Variants in KYAT3 observed in about 807,000 individuals in gnomAD.
The protein encoded by KYAT3 is kynurenine aminotransferase 3, also known as kynurenine--oxoglutarate transaminase 3.
Under a neutral mutation model 59.0 loss-of-function variants are expected in KYAT3, and 50 were observed. The observed-to-expected ratio is 0.85, with a 90% CI of 0.68 to 1.07. The LOEUF (loss-of-function observed/expected upper bound fraction) is 1.07. KYAT3 is among the 50% of genes least tolerant of loss of function. The probability of loss-of-function intolerance (pLI) is 0.00; values close to 1 mark genes in which losing one functional copy is unlikely to be tolerated. For synonymous variants in KYAT3, 148 were observed against 177.0 expected (o/e 0.84, Z 1.30); for missense variants, 497 against 533.3 (o/e 0.93, Z 0.67).
In KYAT3 at chr1:88,964,848, A is replaced by C; in HGVS notation, c.434T>G (p.Leu145Ter). ...YGSLFNTIQA[L>*]IDEGDEVILI... ...ACTTACTTCATCTCCCTCATCAATT[A>C]ATGCTTGAATGGTGTTAAAAAGAGA... Residue 145 changes from leucine (L) to a stop codon, truncating the protein, a stop_gained, in exon 5 of 14, where the codon TTA (leucine) becomes TGA (stop). Transcript: ENST00000260508. LOFTEE classifies it high-confidence loss of function. The C allele has an allele frequency of 6.3e-7, 1 of 1,594,508 alleles. No individual in the cohort carries two copies. Among genetic ancestry groups the C allele is most frequent in the Non-Finnish European group, 8.5e-7 (1 of 1,173,428 alleles).
At chr1:88,992,747 G>A (rs1677895483), upstream of KYAT3, 1 of 152,288 alleles carries the variant, frequency 6.6e-6, no homozygotes, top group Non-Finnish European at 1.5e-5. Context: ...AGGATCTCTA[G>A]GCTGGAAGAG....
At position 88,961,630 on chromosome 1, in the gene KYAT3, A is replaced by T. The variant is rs1676150181; in HGVS notation, c.541-124T>A. ...CATGGCAAAGGAAACTGAATAAATT[A>T]CCAACAAATGCTTTCCTGCAGTAGG... On this transcript the variant is annotated intron_variant, in intron 6 of 13. Transcript: ENST00000260508. 5.0e-6 allele frequency: 4 copies of T among 801,288 alleles called. No homozygotes were observed. In the South Asian group the frequency reaches 7.9e-5, roughly 16 times the overall value. 49.6% of individuals were successfully genotyped at this position (801,288 alleles called of 1,614,324 possible). A position where few individuals can be genotyped will look rare whatever the true frequency, so the allele number is the denominator to read the frequency against.
At position 88,974,737 on chromosome 1, in the gene KYAT3, A is replaced by G. The variant is rs1295367071; in HGVS notation, c.100-5270T>C. On this transcript the variant is annotated intron_variant, in intron 2 of 13. Coordinates refer to ENST00000260508, the MANE Select transcript of KYAT3 (RefSeq NM_001008661.3). ...ATTGTAAATGCACCAATCAGCATTCAGTAAAAATGCACCAATCAGCGCTCT... is the reference window on the plus strand; with the variant it reads ...ATTGTAAATGCACCAATCAGCATTCGGTAAAAATGCACCAATCAGCGCTCT... Among the ~76,000 whole-genome samples the G allele has an allele frequency of 3.9e-5, 6 of 152,236 alleles. No individual in the cohort carries two copies. The East Asian group carries it at 1.2e-3, about 29-fold the overall frequency.
chr1:88,974,469 C>CTTTTTTTT (rs71084932), intron 2 of KYAT3, among the ~76,000 whole-genome samples: 4 of 69,660 alleles, frequency 5.7e-5, no homozygotes, highest in Admixed American at 2.1e-4. Flanking sequence ...GTGTCTCTCT[C>CTTTTTTTT]TTTTTTTTTT....
At chr1:88,935,160 AT>A (rs111681890), downstream of KYAT3, among the ~76,000 whole-genome samples, 7,565 of 142,128 alleles carry the variant, frequency 0.053, 537 homozygotes, top group African/African-American at 0.16. Context: ...CGCCCAGCCA[AT>A]TTTTTTTTTT....
chr1:88,964,970 T>C lies in KYAT3; in HGVS notation c.312A>G (p.Pro104=), dbSNP rs750857408. The C allele has an allele frequency of 1.9e-6, 3 of 1,601,168 alleles. No individual in the cohort carries two copies. Among genetic ancestry groups the C allele is most frequent in the South Asian group, 1.1e-5 (1 of 87,448 alleles). ...LNQYTRGFGH[P]SLVKALSYLY... Reference sequence around the variant, plus strand: ...GATAGGACAGAGCTTTCACAAGTGATGGATGGCCCTGTTGGATTAAAAATA... The same window carrying C: ...GATAGGACAGAGCTTTCACAAGTGACGGATGGCCCTGTTGGATTAAAAATA... The change falls in exon 5 of 14, where the codon CCA becomes CCG. Residue 104 remains proline, a synonymous_variant. Transcript: ENST00000260508.
intron 4 of KYAT3, among the ~76,000 whole-genome samples, chr1:88,965,343 C>A (rs1178679543): frequency 6.6e-6 from 1 of 152,040 alleles, no homozygotes; most frequent in Non-Finnish European, 1.5e-5. Context: ...GTGAAAAAAA[C>A]CCACTTTAAC....
At position 88,967,327 on chromosome 1, in the gene KYAT3, G is replaced by A. The variant is rs566677871; in HGVS notation, c.303+1343C>T. On this transcript the variant is annotated intron_variant, in intron 4 of 13. Coordinates refer to ENST00000260508, the MANE Select transcript of KYAT3 (RefSeq NM_001008661.3). Reference sequence around the variant, plus strand: ...CTTTATTTTTCAAATTACAAAAATTGTTGATCAATAAGTAAAAGTTTTTCA... The same window carrying A: ...CTTTATTTTTCAAATTACAAAAATTATTGATCAATAAGTAAAAGTTTTTCA... 1.1e-4 allele frequency among the ~76,000 whole-genome samples: 16 copies of A among 152,056 alleles called. No homozygotes were observed. In the East Asian group the frequency reaches 2.9e-3, roughly 28 times the overall value.
chr1:88,974,097 G>A (rs1248511357), intron 2 of KYAT3, among the ~76,000 whole-genome samples: 2 of 152,298 alleles, frequency 1.3e-5, no homozygotes, highest in East Asian at 3.9e-4. Context: ...CTCATGGATG[G>A]AGAGGTGAAA....
Position 88,950,071 on chromosome 1 carries a change from G to A in KYAT3, c.955-794C>T, listed in dbSNP as rs144057544. On this transcript the variant is annotated intron_variant, in intron 10 of 13. Coordinates refer to ENST00000260508, the MANE Select transcript of KYAT3 (RefSeq NM_001008661.3). The stretch of plus-strand genomic sequence containing the variant: ...TAGCTTGCTCCTTCCACCATGTAAG[G>A]ACACAGCAAAAGGCACCATCCGTGA... 5.6e-3 allele frequency among the ~76,000 whole-genome samples: 851 copies of A among 152,224 alleles called. 11 individuals carry two copies. The highest frequency in any genetic ancestry group is 0.02 in the African/African-American group (819 of 41,510).
chr1:88,923,650 C>T, the KYAT3 span: 34 of 184,884 alleles, frequency 1.8e-4, 2 homozygotes, highest in African/African-American at 4.3e-4. Context: ...AATCAGAGAC[C>T]GTAGAAGAGG....
intron 2 of KYAT3, among the ~76,000 whole-genome samples, chr1:88,972,429 C>T (rs2765526): frequency 0.99 from 150,170 of 152,364 alleles, 74,037 homozygotes; most frequent in Middle Eastern, 1. Flanking sequence ...CACATAGTTT[C>T]AAATAATTAT....
the KYAT3 span, among the ~76,000 whole-genome samples, chr1:88,927,193 GTTC>G: frequency 6.6e-6 from 1 of 152,104 alleles, no homozygotes; most frequent in African/African-American, 2.4e-5. Context: ...GCATCCCTAT[GTTC>G]TTTTTTCAGA....
chr1:88,953,661 T>C (rs17099909), intron 9 of KYAT3, among the ~76,000 whole-genome samples: 4,940 of 152,220 alleles, frequency 0.032, 239 homozygotes, highest in African/African-American at 0.11. Context: ...CATTAAACTC[T>C]GCTTTCATCA....
At chr1:88,945,210 T>C (rs1337015093) in intron 11 of KYAT3, among the ~76,000 whole-genome samples, 1 of 152,066 alleles carries the variant, frequency 6.6e-6, no homozygotes, top group Non-Finnish European at 1.5e-5. Context: ...ATTATAAAGG[T>C]TTTTTAGTCA....
intron 2 of KYAT3, among the ~76,000 whole-genome samples, chr1:88,974,993 T>G (rs929896168): frequency 3.3e-5 from 5 of 152,176 alleles, no homozygotes; most frequent in African/African-American, 1.2e-4. Flanking sequence ...TCCCCTTCCG[T>G]GGTGTGGAAG....
chr1:88,975,306 C>T (rs936600140), intron 2 of KYAT3, among the ~76,000 whole-genome samples: 2 of 152,300 alleles, frequency 1.3e-5, no homozygotes, highest in Middle Eastern at 3.4e-3. Flanking sequence ...CACGTGCCAC[C>T]ATGCCTGGCT....
chr1:88,927,636 A>T, the KYAT3 span, among the ~76,000 whole-genome samples: 1 of 152,072 alleles, frequency 6.6e-6, no homozygotes, highest in African/African-American at 2.4e-5. Context: ...AATGAACCAA[A>T]GAGTACCAGT....
chr1:88,965,090 A>G, intron 4 of KYAT3, 112 bp from the exon 5 acceptor site: 1 of 758,358 alleles, frequency 1.3e-6, no homozygotes, highest in Non-Finnish European at 2.1e-6. Context: ...TGATGTTTAT[A>G]ATTACCCCAA....
Sources: gnomAD v4.1 joint callset for allele counts (sites outside exome capture counted in the v4.1 genomes callset) on GRCh38, gnomAD v4.1.1 for gene constraint, MANE v1.5 for transcripts, NCBI Gene and HGNC (gene_info 2026-07-23, HGNC 2026-07-21) for gene names.